Variants in RADX observed in about 807,000 individuals in gnomAD.
RADX encodes the protein RPA1 related single stranded DNA binding protein, X-linked, also known as RPA-related protein RADX.
In RADX, 36 loss-of-function variants were observed where a neutral mutation model predicts 61.6. The ratio of observed to expected loss-of-function variants is 0.58; its 90% CI spans 0.45 to 0.77. The LOEUF (loss-of-function observed/expected upper bound fraction) is 0.77. Ranked by LOEUF, RADX falls within the 30% of genes least tolerant of loss-of-function variation. RADX has a pLI of 0.00. For synonymous variants in RADX, 272 were observed against 237.9 expected (o/e 1.14, Z -1.32); for missense variants, 497 against 651.1 (o/e 0.76, Z 2.58).
Position 106,669,361 on chromosome X carries a change from G to GAAA in RADX, c.2437+41_2437+43dup. ...ACAATCTCAGTGTTCTTTTCACTCA[G>GAAA]AAAAAAAAAAAATTATAAACAGCCC... On this transcript the variant is annotated intron_variant, in intron 13 of 13. Coordinates refer to ENST00000372548, the MANE Select transcript of RADX (RefSeq NM_018015.6). 10 of 830,037 alleles carry GAAA rather than the reference G, an allele frequency of 1.2e-5. No homozygotes were observed. In the African/African-American group the frequency reaches 1.5e-4, roughly 13 times the overall value. 68.4% of individuals were successfully genotyped at this position (830,037 alleles called of 1,213,427 possible).
chrX:106,634,883 G>A (rs756704068), intron 6 of RADX, among the ~76,000 whole-genome samples: 10 of 112,155 alleles, frequency 8.9e-5, no homozygotes, highest in Middle Eastern at 4.6e-3. Context: ...TTTCTCGCAG[G>A]AACTTTGCCA....
chrX:106,651,953 A>C (rs1484859482), intron 11 of RADX, among the ~76,000 whole-genome samples: 1 of 110,787 alleles, frequency 9.0e-6, no homozygotes, highest in East Asian at 2.8e-4. Context: ...AGTCTGAGAC[A>C]GGAAGATTAC....
chrX:106,636,084 T>C (rs1215209545), intron 6 of RADX, among the ~76,000 whole-genome samples: 1 of 111,868 alleles, frequency 8.9e-6, no homozygotes, highest in Non-Finnish European at 1.9e-5. Flanking sequence ...GTTAGAGTAA[T>C]TCAGAGTTTA....
intron 10 of RADX, among the ~76,000 whole-genome samples, chrX:106,642,972 C>T (rs1163665543): frequency 9.0e-6 from 1 of 110,851 alleles, no homozygotes; most frequent in South Asian, 3.8e-4. Context: ...TATCTATCCA[C>T]GGCTTTTTGA....
Position 106,612,609 on chromosome X carries a change from C to A in RADX, c.529C>A (p.Pro177Thr). 8.3e-7 allele frequency: 1 copy of A among 1,211,020 alleles called. No individual in the cohort carries two copies. The highest frequency in any genetic ancestry group is 1.1e-6 in the Non-Finnish European group (1 of 895,264). ...CAGAAATAGAGCGCACCAGGAGAAACCAGAGAGGCCTTTAAGAGGCGGGAA... is the reference window on the plus strand; with the variant it reads ...CAGAAATAGAGCGCACCAGGAGAAAACAGAGAGGCCTTTAAGAGGCGGGAA... ...PFRNRAHQEK[P>T]ERPLRGGKSH... The change falls in exon 1 of 14, where the codon CCA (proline) becomes ACA (threonine). Residue 177 changes from proline (P) to threonine (T), a missense_variant. Coordinates refer to ENST00000372548, the MANE Select transcript of RADX (RefSeq NM_018015.6).
At chrX:106,626,257 C>A (rs2147615303) in intron 3 of RADX, among the ~76,000 whole-genome samples, 1 of 111,820 alleles carries the variant, frequency 8.9e-6, no homozygotes, top group Non-Finnish European at 1.9e-5. Flanking sequence ...CCCAGCTAAT[C>A]CATTAAGCTT....
chrX:106,650,653 G>A (rs763472673), intron 11 of RADX, among the ~76,000 whole-genome samples: 1 of 111,221 alleles, frequency 9.0e-6, no homozygotes, highest in Non-Finnish European at 1.9e-5. Context: ...CTGGCCTCAC[G>A]TGATCCTCCA....
chrX:106,612,411 G>GA lies in RADX; in HGVS notation c.332dup (p.Asp111GlufsTer14). 8.3e-7 allele frequency: 1 copy of GA among 1,211,328 alleles called. No homozygotes were observed. ...GGTGTACCAGGAGAAGTGCTACCTG[G>GA]ACCCCAGCTTGAACTCTCTCGTATA... On this transcript the variant is annotated frameshift_variant, in exon 1 of 14. Transcript: ENST00000372548. LOFTEE classifies it high-confidence loss of function.
chrX:106,621,323 T>TA (rs1313113643), intron 1 of RADX, among the ~76,000 whole-genome samples: 3 of 111,987 alleles, frequency 2.7e-5, no homozygotes, highest in Non-Finnish European at 5.6e-5. Flanking sequence ...AATCCCTTAT[T>TA]AAAAAGAAAT....
At chrX:106,659,781 C>T (rs1928044174) in intron 11 of RADX, among the ~76,000 whole-genome samples, 1 of 110,636 alleles carries the variant, frequency 9.0e-6, no homozygotes, top group African/African-American at 3.3e-5. Flanking sequence ...TAATTGTAGT[C>T]CCCAGTTACT....
rs770271595 is a variant in RADX, at chrX:106,660,005, A to T, written c.1979-2010A>T. Reference sequence around the variant, plus strand: ...AATAGCATATCACTTTTTCTTTTGCATGCTGTATTCTAAAATAAGTCAAGC... The same window carrying T: ...AATAGCATATCACTTTTTCTTTTGCTTGCTGTATTCTAAAATAAGTCAAGC... On this transcript the variant is annotated intron_variant, in intron 11 of 13. Transcript: ENST00000372548. 2.7e-5 allele frequency among the ~76,000 whole-genome samples: 3 copies of T among 111,962 alleles called. No individual in the cohort carries two copies. The East Asian group carries it at 8.5e-4, about 32-fold the overall frequency.
intron 9 of RADX, chrX:106,640,009 GT>G: frequency 7.6e-6 from 1 of 130,852 alleles, no homozygotes; most frequent in Non-Finnish European, 1.5e-5. Flanking sequence ...TTGGTATCCT[GT>G]TTTTGCATTC....
chrX:106,618,062 G>A (rs1926854467), intron 1 of RADX, among the ~76,000 whole-genome samples: 1 of 111,578 alleles, frequency 9.0e-6, no homozygotes, highest in South Asian at 3.7e-4. Flanking sequence ...TAAAAGAGAG[G>A]GGTTTAAAGA....
At chrX:106,653,735 G>A (rs930363960) in intron 11 of RADX, among the ~76,000 whole-genome samples, 1 of 110,028 alleles carries the variant, frequency 9.1e-6, no homozygotes, top group African/African-American at 3.3e-5. Context: ...TCCTCCCTGT[G>A]TCCATGTGTT....
At chrX:106,635,397 A>AT (rs1489303554) in intron 6 of RADX, among the ~76,000 whole-genome samples, 1 of 110,961 alleles carries the variant, frequency 9.0e-6, no homozygotes, top group East Asian at 2.8e-4. Context: ...AGGTTTCTTT[A>AT]TTTTTTTCTA....
At chrX:106,675,406 A>T (rs1362473154) in intron 13 of RADX, among the ~76,000 whole-genome samples, 1 of 112,429 alleles carries the variant, frequency 8.9e-6, no homozygotes, top group Non-Finnish European at 1.9e-5. Flanking sequence ...TCTTCCCAAC[A>T]GCAATTCACG....
chrX:106,662,712 CAAAA>C (rs764434761), intron 12 of RADX, among the ~76,000 whole-genome samples: 1 of 54,294 alleles, frequency 1.8e-5, no homozygotes. Flanking sequence ...AAGCCCCTAC[CAAAA>C]AAAAAAAAAA....
intron 1 of RADX, among the ~76,000 whole-genome samples, chrX:106,620,098 A>G: frequency 9.0e-6 from 1 of 111,539 alleles, no homozygotes; most frequent in East Asian, 2.8e-4. Flanking sequence ...TCGCAAGTGT[A>G]CAGTGTAGTT....
chrX:106,648,216 A>C lies in RADX; in HGVS notation c.1905-97A>C, dbSNP rs6622101. 2.6e-5 allele frequency: 12 copies of C among 465,503 alleles called. No individual in the cohort carries two copies. In the East Asian group the frequency reaches 4.0e-4, roughly 15 times the overall value. 38.4% of individuals were successfully genotyped at this position (465,503 alleles called of 1,213,427 possible). A position where few individuals can be genotyped will look rare whatever the true frequency, so the allele number is the denominator to read the frequency against. Reference sequence around the variant, plus strand: ...CTTAACCTGTATATTTTCTAAATTTATTGAATTAAAATAAATTCTGAATAG... The same window carrying C: ...CTTAACCTGTATATTTTCTAAATTTCTTGAATTAAAATAAATTCTGAATAG... On this transcript the variant is annotated intron_variant, in intron 10 of 13. Coordinates refer to ENST00000372548, the MANE Select transcript of RADX (RefSeq NM_018015.6).
Sources: allele counts gnomAD v4.1 joint callset (sites outside exome capture counted in the v4.1 genomes callset), GRCh38; gene constraint gnomAD v4.1.1; transcripts MANE v1.5; gene names NCBI Gene and HGNC (gene_info 2026-07-23, HGNC 2026-07-21).